CELF2: variants seen among roughly 807,000 people sequenced by gnomAD.
CELF2 encodes the protein CUGBP Elav-like family member 2, also known as CUG triplet repeat RNA-binding protein 2.
A neutral mutation model predicts 62.6 loss-of-function variants in CELF2; 8 were observed. The ratio of observed to expected loss-of-function variants is 0.13; its 90% CI spans 0.07 to 0.23. The LOEUF (loss-of-function observed/expected upper bound fraction) is 0.23. Ranked by LOEUF, CELF2 falls within the 10% of genes least tolerant of loss-of-function variation. The pLI, the probability that CELF2 is intolerant of heterozygous loss-of-function variation, is 1.00. For missense variants in CELF2, 333 were observed against 671.0 expected, an observed-to-expected ratio of 0.50 and a Z score of 5.56; for synonymous variants, 258 against 250.0, an observed-to-expected ratio of 1.03 and a Z score of -0.30.
the CELF2 span, among the ~76,000 whole-genome samples, chr10:10,487,432 C>G: frequency 6.6e-6 from 1 of 152,282 alleles, no homozygotes; most frequent in South Asian, 2.1e-4. Context: ...TGGACTGGTT[C>G]TAAAGCTTTG....
intron 1 of CELF2, among the ~76,000 whole-genome samples, chr10:11,093,518 G>A (rs1316152340): frequency 6.6e-6 from 1 of 152,206 alleles, no homozygotes; most frequent in Admixed American, 6.5e-5. Flanking sequence ...ATAGCCCTAT[G>A]CATATCCCAG....
rs563580538 is a variant in CELF2 at position 10,948,821 on chromosome 10, CCTT to C, written c.89+28826_89+28828del. On this transcript the variant is annotated intron_variant, in intron 2 of 13. Coordinates refer to the CELF2 transcript ENST00000636488. ...TGGGGTCTTTCAAACTCTCCATGGTCCTTCTTATCGTGATCAAAACCCTGTCTG... is the reference window on the plus strand; with the variant it reads ...TGGGGTCTTTCAAACTCTCCATGGTCCTTATCGTGATCAAAACCCTGTCTG... Among the ~76,000 whole-genome samples, 16 of 152,294 alleles carry C rather than the reference CCTT, an allele frequency of 1.1e-4. No homozygotes were observed. In the South Asian group the frequency reaches 3.3e-3, roughly 32 times the overall value.
At chr10:10,778,793 G>C in the CELF2 span, among the ~76,000 whole-genome samples, 1 of 152,142 alleles carries the variant, frequency 6.6e-6, no homozygotes, top group Non-Finnish European at 1.5e-5. Context: ...AGGCAACTAG[G>C]GAACAGTGGG....
intron 2 of CELF2, among the ~76,000 whole-genome samples, chr10:11,187,444 G>A (rs1197012305): frequency 6.6e-6 from 1 of 152,102 alleles, no homozygotes; most frequent in South Asian, 2.1e-4. Flanking sequence ...GTACACAGCA[G>A]GTAGTCGGAT....
intron 1 of CELF2, among the ~76,000 whole-genome samples, chr10:10,903,607 A>C (rs2063107566): frequency 6.6e-6 from 1 of 152,242 alleles, no homozygotes; most frequent in South Asian, 2.1e-4. Context: ...ATATTTCAGG[A>C]ATCCAACTAC....
chr10:11,022,756 G>A (rs749560331), intron 1 of CELF2, among the ~76,000 whole-genome samples: 1 of 152,096 alleles, frequency 6.6e-6, no homozygotes, highest in African/African-American at 2.4e-5. Flanking sequence ...TACAGCCAGC[G>A]CCCAATATGA....
the CELF2 span, among the ~76,000 whole-genome samples, chr10:10,584,253 C>G: frequency 1.3e-5 from 2 of 152,098 alleles, no homozygotes; most frequent in Non-Finnish European, 2.9e-5. Flanking sequence ...TCAGGCAGCC[C>G]CCAGAATCAT....
intron 9 of CELF2, among the ~76,000 whole-genome samples, chr10:11,308,837 A>G (rs1591233767): frequency 7.9e-6 from 1 of 127,268 alleles, no homozygotes; most frequent in Non-Finnish European, 1.8e-5. Flanking sequence ...TGTCTATCAC[A>G]TGCTAGGCAG....
At chr10:10,893,842 T>TTA (rs1441718265) in intron 1 of CELF2, among the ~76,000 whole-genome samples, 40 of 152,246 alleles carry the variant, frequency 2.6e-4, no homozygotes, top group African/African-American at 9.1e-4. Context: ...GGCGCTAAAC[T>TTA]GTTCATGAGA....
At position 10,983,055 on chromosome 10, in the gene CELF2, T is replaced by G. The variant is rs2052331378; in HGVS notation, c.89+63056T>G. ...TATTAATGGGATATTAGCCCTTTAC[T>G]GACTTGGAGGTTGCATCTTCTCAAT... On this transcript the variant is annotated intron_variant, in intron 2 of 13. Coordinates refer to the CELF2 transcript ENST00000636488. The surrounding 1 kb of genome is among the most constrained non-coding windows in gnomAD (Gnocchi z 5.2). Among the ~76,000 whole-genome samples, 1 of 152,230 alleles carries G rather than the reference T, an allele frequency of 6.6e-6. No individual in the cohort carries two copies. The highest frequency in any genetic ancestry group is 2.1e-4 in the South Asian group (1 of 4,838).
At chr10:11,234,773 G>A (rs113422436) in intron 3 of CELF2, among the ~76,000 whole-genome samples, 1,549 of 151,490 alleles carry the variant, frequency 0.01, 36 homozygotes, top group African/African-American at 0.035. Flanking sequence ...CATCCCCATC[G>A]CAATCCTTTC....
Position 11,008,549 on chromosome 10 carries a change from A to G in CELF2, c.53+3109A>G, listed in dbSNP as rs1234482675. Among the ~76,000 whole-genome samples the G allele has an allele frequency of 6.6e-6, 1 of 152,226 alleles. No homozygotes were observed. The highest frequency in any genetic ancestry group is 2.4e-5 in the African/African-American group (1 of 41,462). ...TGCAGATTGTGCTAGAAGACCGAGG[A>G]AGTCATTCAAAGAGTGAATCAATAC... is the stretch of plus-strand genomic sequence containing the variant. On this transcript the variant is annotated intron_variant, in intron 1 of 12. Transcript: ENST00000416382. This position sits in a 1 kb window ranked among gnomAD's most constrained non-coding sequence, Gnocchi z 4.5.
At chr10:10,506,670 A>ATTTT in the CELF2 span, among the ~76,000 whole-genome samples, 9,924 of 63,822 alleles carry the variant, frequency 0.16, 2,970 homozygotes, top group Middle Eastern at 0.27. Context: ...CCTCCTGTGA[A>ATTTT]TTTTTTTTTT....
At chr10:10,588,874 T>C in the CELF2 span, among the ~76,000 whole-genome samples, 4 of 152,216 alleles carry the variant, frequency 2.6e-5, no homozygotes, top group Admixed American at 6.5e-5. Flanking sequence ...CACCCACTTA[T>C]GTTGAAGTGC....
At chr10:10,556,847 G>A in the CELF2 span, among the ~76,000 whole-genome samples, 1 of 150,484 alleles carries the variant, frequency 6.6e-6, no homozygotes, top group Non-Finnish European at 1.5e-5. Context: ...AGAAGTGTCT[G>A]TTCATGTCCT....
the CELF2 span, among the ~76,000 whole-genome samples, chr10:10,569,691 T>C: frequency 3.9e-5 from 6 of 152,152 alleles, no homozygotes; most frequent in Non-Finnish European, 8.8e-5. Context: ...TCAGAAATCA[T>C]TGGGAGGATT....
intron 1 of CELF2, among the ~76,000 whole-genome samples, chr10:10,857,682 T>TATATATATATATATATATA (rs59587498): frequency 8.1e-5 from 11 of 135,688 alleles, no homozygotes; most frequent in African/African-American, 1.6e-4. Flanking sequence ...TATATATATA[T>TATATATATATATATATATA]TTTACCTCAA....
At chr10:10,520,170 A>G in the CELF2 span, among the ~76,000 whole-genome samples, 2 of 152,344 alleles carry the variant, frequency 1.3e-5, no homozygotes, top group Admixed American at 6.5e-5. Context: ...AACACTTTAT[A>G]AAGATTTCTT....
At chr10:10,467,833 A>G in the CELF2 span, among the ~76,000 whole-genome samples, 2 of 152,040 alleles carry the variant, frequency 1.3e-5, no homozygotes, top group African/African-American at 4.8e-5. Flanking sequence ...GACTTCAAGA[A>G]GGTCATGGAA....
Sources: allele counts gnomAD v4.1 joint callset (sites outside exome capture counted in the v4.1 genomes callset), GRCh38; gene constraint gnomAD v4.1.1; non-coding constraint Gnocchi (gnomAD v3.1); transcripts MANE v1.5; gene names NCBI Gene and HGNC (gene_info 2026-07-23, HGNC 2026-07-21).